Variants in TSPAN14 observed in about 807,000 individuals in gnomAD.
TSPAN14 encodes the protein tetraspanin 14, also known as tetraspanin-14.
A neutral mutation model predicts 36.6 loss-of-function variants in TSPAN14; 16 were observed. The observed-to-expected ratio is 0.44, with a 90% CI of 0.30 to 0.66. The LOEUF (loss-of-function observed/expected upper bound fraction) is 0.66, where lower values mean the gene tolerates loss of function less well. Ranked by LOEUF, TSPAN14 falls within the 30% of genes least tolerant of loss-of-function variation. TSPAN14 has a pLI of 0.12. For missense variants in TSPAN14, 231 were observed against 355.1 expected, an observed-to-expected ratio of 0.65 and a Z score of 2.81; for synonymous variants, 139 against 143.8, an observed-to-expected ratio of 0.97 and a Z score of 0.24.
intron 7 of TSPAN14, 43 bp from the exon 8 acceptor site, chr10:80,516,161 C>G (rs1166411691): frequency 6.2e-7 from 1 of 1,613,522 alleles, no homozygotes; most frequent in Admixed American, 1.7e-5. Context: ...GTGGGGACAT[C>G]GTGTGTGCCA....
intron 1 of TSPAN14, among the ~76,000 whole-genome samples, chr10:80,478,613 T>G: frequency 6.6e-6 from 1 of 152,152 alleles, no homozygotes; most frequent in East Asian, 1.9e-4. Flanking sequence ...ACAGGTCAAA[T>G]ACAGAGATCA....
intron 8 of TSPAN14, 52 bp from the exon 9 acceptor site, chr10:80,517,853 T>A: frequency 6.5e-7 from 1 of 1,527,662 alleles, no homozygotes; most frequent in Non-Finnish European, 8.9e-7. Context: ...CTCCCTGCCC[T>A]CTGCCTTTGG....
At chr10:80,510,115 C>T (rs2132053426) in intron 5 of TSPAN14, among the ~76,000 whole-genome samples, 1 of 152,344 alleles carries the variant, frequency 6.6e-6, no homozygotes, top group Non-Finnish European at 1.5e-5. Flanking sequence ...GCTGTCACAG[C>T]CCCCTGGGGA....
intron 8 of TSPAN14, among the ~76,000 whole-genome samples, chr10:80,517,087 C>A (rs955939131): frequency 6.6e-6 from 1 of 152,178 alleles, no homozygotes; most frequent in Non-Finnish European, 1.5e-5. Flanking sequence ...TCCACTGATG[C>A]ATTTCTTGTG....
chr10:80,497,006 G>C (rs1311188460), intron 2 of TSPAN14, among the ~76,000 whole-genome samples: 2 of 151,546 alleles, frequency 1.3e-5, no homozygotes, highest in Non-Finnish European at 2.9e-5. Context: ...ACTTTTGATT[G>C]GATATTAGTT....
intron 1 of TSPAN14, among the ~76,000 whole-genome samples, chr10:80,459,009 T>C (rs1056636406): frequency 1.3e-5 from 2 of 152,152 alleles, no homozygotes; most frequent in Non-Finnish European, 2.9e-5. Flanking sequence ...GTTGTCTACT[T>C]TTCTCATCTG....
At position 80,489,127 on chromosome 10, in the gene TSPAN14, G is replaced by A. The variant is rs1050959790; in HGVS notation, c.-17-90G>A. On this transcript the variant is annotated intron_variant, in intron 1 of 8. Coordinates refer to ENST00000429989, the Ensembl canonical transcript of TSPAN14. ...TAAAGGGTCATGAGGGAAATGATCG[G>A]GAGCTTTCTAGAATCCGCATATGAG... The A allele has an allele frequency of 6.1e-6, 5 of 822,132 alleles. No individual in the cohort carries two copies. The African/African-American group carries it at 8.4e-5, about 14-fold the overall frequency. The allele number at this position is 822,132 out of a possible 1,614,324, so 50.9% of individuals were successfully genotyped here.
intron 1 of TSPAN14, among the ~76,000 whole-genome samples, chr10:80,466,025 CAT>C (rs1365679702): frequency 6.6e-6 from 1 of 152,196 alleles, no homozygotes; most frequent in Non-Finnish European, 1.5e-5. Flanking sequence ...CGCCCCAACC[CAT>C]ACTGTCTCCT....
At chr10:80,495,335 CTG>C (rs3041272) in intron 2 of TSPAN14, among the ~76,000 whole-genome samples, 16 of 135,728 alleles carry the variant, frequency 1.2e-4, no homozygotes, top group South Asian at 7.3e-4. Flanking sequence ...TCTTTTGGCA[CTG>C]TGTGTGTGTG....
chr10:80,521,201 C>A (rs1013300481), exon 9 of TSPAN14: 3 of 191,770 alleles, frequency 1.6e-5, no homozygotes, highest in African/African-American at 2.3e-5. Context: ...GGGTGTCAGT[C>A]TCATCAGGGA....
intron 1 of TSPAN14, among the ~76,000 whole-genome samples, chr10:80,486,707 C>G (rs1000602134): frequency 2.0e-5 from 3 of 152,024 alleles, no homozygotes; most frequent in Non-Finnish European, 4.4e-5. Context: ...AGAGAGGAGG[C>G]GGGATTGTCT....
intron 1 of TSPAN14, among the ~76,000 whole-genome samples, chr10:80,458,443 A>G (rs574932532): frequency 6.6e-6 from 1 of 152,320 alleles, no homozygotes; most frequent in African/African-American, 2.4e-5. Flanking sequence ...CGGGGCCAGC[A>G]GACACTGTTG....
At chr10:80,463,369 ACTC>A (rs1846078986) in intron 1 of TSPAN14, among the ~76,000 whole-genome samples, 1 of 151,922 alleles carries the variant, frequency 6.6e-6, no homozygotes, top group Non-Finnish European at 1.5e-5. Flanking sequence ...CACGGTGAAA[ACTC>A]CTATTTCTAT....
At chr10:80,522,248 C>G (rs1036740965) in exon 9 of TSPAN14, 2 of 152,232 alleles carry the variant, frequency 1.3e-5, no homozygotes, top group African/African-American at 4.8e-5. Context: ...CAGTGGCTCA[C>G]GCCTGTAATC....
chr10:80,503,626 C>T (rs1247549236), intron 2 of TSPAN14, among the ~76,000 whole-genome samples: 1 of 151,998 alleles, frequency 6.6e-6, no homozygotes, highest in African/African-American at 2.4e-5. Context: ...GGCATGTGTG[C>T]ATTTTCTGAA....
chr10:80,475,627 G>A (rs1306080389), intron 1 of TSPAN14, among the ~76,000 whole-genome samples: 4 of 152,036 alleles, frequency 2.6e-5, no homozygotes, highest in Admixed American at 1.3e-4. Flanking sequence ...TCGCTCTGTT[G>A]CCCAGGCTGG....
rs1250606137 is a variant in TSPAN14 at position 80,474,455 on chromosome 10, C to T, written c.-17-14762C>T. On this transcript the variant is annotated intron_variant, in intron 1 of 8. Coordinates refer to ENST00000429989, the Ensembl canonical transcript of TSPAN14. ...GAGGAACTGACCTGTGCCCTCAGGA[C>T]GGGAGGGGAGGGGAGTGAGGGGAGG... 2.1e-5 allele frequency among the ~76,000 whole-genome samples: 3 copies of T among 141,140 alleles called. No individual in the cohort carries two copies. In the East Asian group the frequency reaches 6.3e-4, roughly 30 times the overall value. The allele number at this position is 141,140 out of a possible 152,430, so 92.6% of individuals were successfully genotyped here.
intron 1 of TSPAN14, among the ~76,000 whole-genome samples, chr10:80,477,965 T>A (rs959332955): frequency 6.6e-6 from 1 of 152,042 alleles, no homozygotes; most frequent in Non-Finnish European, 1.5e-5. Flanking sequence ...CCCAACCAGA[T>A]CATCCTAGAC....
At position 80,509,196 on chromosome 10, in the gene TSPAN14, C is replaced by A; in HGVS notation, c.280-105C>A. ...CGATGTGGGACTCTCAGGTGCAGAG[C>A]CCACGCTCTGCTGAGGATGGTGGTT... On this transcript the variant is annotated intron_variant, in intron 4 of 8. Transcript: ENST00000429989. This position sits in a 1 kb window ranked among gnomAD's most constrained non-coding sequence, Gnocchi z 4.7. 1 of 1,279,270 alleles carries A rather than the reference C, an allele frequency of 7.8e-7. No individual in the cohort carries two copies. 79.2% of individuals were successfully genotyped at this position (1,279,270 alleles called of 1,614,324 possible). A position where few individuals can be genotyped will look rare whatever the true frequency, so the allele number is the denominator to read the frequency against.
Sources: gnomAD v4.1 joint callset for allele counts (sites outside exome capture counted in the v4.1 genomes callset) on GRCh38, gnomAD v4.1.1 for gene constraint, Gnocchi (gnomAD v3.1) non-coding constraint, MANE v1.5 for transcripts, NCBI Gene and HGNC (gene_info 2026-07-23, HGNC 2026-07-21) for gene names.